NBDY: variants seen among roughly 807,000 people sequenced by gnomAD.
NBDY encodes the protein P-body dissociating protein.
At chrX:56,796,166 G>C (rs2069790780) in intron 2 of NBDY, among the ~76,000 whole-genome samples, 1 of 112,075 alleles carries the variant, frequency 8.9e-6, no homozygotes, top group Non-Finnish European at 1.9e-5. Context: ...GGGTTGGGGT[G>C]GGGGCAGCGG....
intron 2 of NBDY, chrX:56,810,883 G>C (rs764648825): frequency 9.0e-6 from 1 of 111,729 alleles, no homozygotes; most frequent in South Asian, 3.7e-4. Flanking sequence ...CCATCTTCAT[G>C]GATTTATCTA....
intron 2 of NBDY, among the ~76,000 whole-genome samples, chrX:56,766,949 C>T (rs2146725878): frequency 8.9e-6 from 1 of 112,696 alleles, no homozygotes; most frequent in East Asian, 2.8e-4. Context: ...GAGGGAGACT[C>T]CTGCCTCAGG....
intron 1 of NBDY, among the ~76,000 whole-genome samples, chrX:56,729,928 T>C (rs2069448393): frequency 1.8e-5 from 2 of 109,609 alleles, no homozygotes; most frequent in Admixed American, 1.9e-4. Context: ...TAAAGCTGGG[T>C]GATGTATATG....
intron 2 of NBDY, among the ~76,000 whole-genome samples, chrX:56,815,864 T>A (rs767504151): frequency 8.9e-6 from 1 of 111,960 alleles, no homozygotes; most frequent in East Asian, 2.8e-4. Context: ...TGGAAAAAAT[T>A]ATTAGGCATT....
At chrX:56,781,770 T>C (rs2069692846) in intron 2 of NBDY, among the ~76,000 whole-genome samples, 1 of 112,379 alleles carries the variant, frequency 8.9e-6, no homozygotes, top group Non-Finnish European at 1.9e-5. Flanking sequence ...GGACTCCAGC[T>C]GAACCCTGCG....
intron 2 of NBDY, among the ~76,000 whole-genome samples, chrX:56,806,285 T>A (rs1430801425): frequency 8.0e-5 from 9 of 112,094 alleles, no homozygotes; most frequent in African/African-American, 2.9e-4. Flanking sequence ...AACATATGTG[T>A]GCATGTCTCT....
intron 2 of NBDY, among the ~76,000 whole-genome samples, chrX:56,746,671 G>A (rs939249916): frequency 7.3e-5 from 8 of 109,756 alleles, no homozygotes; most frequent in African/African-American, 2.0e-4. Flanking sequence ...GAGATCTGTA[G>A]ATCTCAGTTC....
At chrX:56,803,022 C>T (rs2069831974) in intron 2 of NBDY, among the ~76,000 whole-genome samples, 2 of 111,243 alleles carry the variant, frequency 1.8e-5, no homozygotes, top group Admixed American at 1.9e-4. Context: ...TTGTAGTTGG[C>T]CTTTGTAGAG....
intron 2 of NBDY, among the ~76,000 whole-genome samples, chrX:56,797,176 CTTCCTCTTCTTCTCTCCTTCTTTCCTT>C (rs1427927093): frequency 1.9e-5 from 2 of 103,799 alleles, no homozygotes; most frequent in East Asian, 6.0e-4. Flanking sequence ...TCTTCTTCCT[CTTCCTCTTCTTCTCTCCTTCTTTCCTT>C]TTCCTCCTCC....
intron 2 of NBDY, among the ~76,000 whole-genome samples, chrX:56,756,369 A>T (rs2069611098): frequency 9.1e-6 from 1 of 109,676 alleles, no homozygotes; most frequent in Non-Finnish European, 1.9e-5. Context: ...AATAAAAAAC[A>T]ATTAAAAGAT....
At chrX:56,809,610 A>G (rs1436628748) in intron 2 of NBDY, among the ~76,000 whole-genome samples, 1 of 111,939 alleles carries the variant, frequency 8.9e-6, no homozygotes, top group Non-Finnish European at 1.9e-5. Flanking sequence ...TTTGCTTGGT[A>G]AGTATTCCTC....
At chrX:56,732,223 T>C in intron 2 of NBDY, 24 bp downstream of exon 2, 1 of 293,694 alleles carries the variant, frequency 3.4e-6, no homozygotes, top group Non-Finnish European at 5.9e-6. Flanking sequence ...CAAAAATTAT[T>C]AAGAGGAGGA....
At chrX:56,748,338 G>A (rs1188990662) in intron 2 of NBDY, among the ~76,000 whole-genome samples, 7 of 111,125 alleles carry the variant, frequency 6.3e-5, no homozygotes, top group Non-Finnish European at 1.3e-4. Context: ...CACTAACTGA[G>A]TTATAGAATA....
At chrX:56,808,634 T>C (rs141318797) in intron 2 of NBDY, among the ~76,000 whole-genome samples, 452 of 112,249 alleles carry the variant, frequency 4.0e-3, no homozygotes, top group African/African-American at 0.013. Context: ...TCACATCTAT[T>C]TGATTCTTCT....
At chrX:56,797,132 C>G (rs1351280031) in intron 2 of NBDY, among the ~76,000 whole-genome samples, 1 of 106,924 alleles carries the variant, frequency 9.4e-6, no homozygotes, top group Non-Finnish European at 1.9e-5. Context: ...TCTTCTTCTT[C>G]TTCCTCTTCT....
At chrX:56,784,170 C>G (rs2069713638) in intron 2 of NBDY, among the ~76,000 whole-genome samples, 1 of 112,412 alleles carries the variant, frequency 8.9e-6, no homozygotes, top group African/African-American at 3.2e-5. Context: ...TCCCCCTAGG[C>G]AAGAGACCAG....
intron 2 of NBDY, among the ~76,000 whole-genome samples, chrX:56,735,945 CAAA>C (rs35820296): frequency 4.7e-5 from 3 of 64,349 alleles, no homozygotes; most frequent in Non-Finnish European, 2.9e-5. Context: ...ATCTGACTAG[CAAA>C]AAAAAAAAAA....
chrX:56,816,553 G>C (rs1241480774), intron 2 of NBDY, among the ~76,000 whole-genome samples: 10 of 110,987 alleles, frequency 9.0e-5, no homozygotes, highest in Non-Finnish European at 1.7e-4. Context: ...GTAACACGAT[G>C]CAATATTTTG....
intron 2 of NBDY, among the ~76,000 whole-genome samples, chrX:56,799,017 G>C (rs1158503034): frequency 8.9e-6 from 1 of 112,476 alleles, no homozygotes; most frequent in African/African-American, 3.2e-5. Flanking sequence ...GGAAATGGGA[G>C]GCACCTGAGC....
Sources: allele counts gnomAD v4.1 joint callset (sites outside exome capture counted in the v4.1 genomes callset), GRCh38; gene constraint gnomAD v4.1.1; transcripts MANE v1.5; gene names NCBI Gene and HGNC (gene_info 2026-07-23, HGNC 2026-07-21).